SYNPO2: variants seen among roughly 807,000 people sequenced by gnomAD.
The protein encoded by SYNPO2 is synaptopodin 2.
Under a neutral mutation model 85.0 loss-of-function variants are expected in SYNPO2, and 56 were observed. The observed-to-expected ratio is 0.66, with a 90% CI of 0.53 to 0.82. SYNPO2 has a LOEUF of 0.82. Among genes scored for constraint, SYNPO2 ranks in the 40% least tolerant of loss-of-function variants. The pLI is 0.00. For missense variants in SYNPO2, 1,575 were observed against 1,534.2 expected (o/e 1.03, Z -0.44); for synonymous variants, 602 against 591.1 (o/e 1.02, Z -0.27).
intron 1 of SYNPO2, among the ~76,000 whole-genome samples, chr4:118,968,978 G>A (rs561997705): frequency 5.9e-5 from 9 of 152,256 alleles, no homozygotes; most frequent in Admixed American, 1.3e-4. Context: ...AAAACAGAAC[G>A]AGAAAATCCA....
intron 4 of SYNPO2, among the ~76,000 whole-genome samples, chr4:119,052,429 G>T (rs1258927363): frequency 6.6e-6 from 1 of 152,190 alleles, no homozygotes; most frequent in Non-Finnish European, 1.5e-5. Context: ...CCCCAGTGAT[G>T]GGAATCTTTC....
At chr4:118,878,138 A>T (rs933431512) in intron 1 of SYNPO2, among the ~76,000 whole-genome samples, 1 of 152,212 alleles carries the variant, frequency 6.6e-6, no homozygotes, top group African/African-American at 2.4e-5. Context: ...TCTCGTTTAT[A>T]AGTGGGAGCT....
At chr4:118,886,010 A>G (rs1732192928), upstream of SYNPO2, among the ~76,000 whole-genome samples, 1 of 152,190 alleles carries the variant, frequency 6.6e-6, no homozygotes. Flanking sequence ...AAATAAATAC[A>G]ACATTATATT....
chr4:118,938,510 A>C (rs1734191802), intron 1 of SYNPO2, among the ~76,000 whole-genome samples: 1 of 152,216 alleles, frequency 6.6e-6, no homozygotes, highest in African/African-American at 2.4e-5. Context: ...ATGCTTACAT[A>C]TTGTAGGCAA....
intron 1 of SYNPO2, among the ~76,000 whole-genome samples, chr4:118,881,146 CA>C (rs1259909978): frequency 6.6e-6 from 1 of 151,704 alleles, no homozygotes; most frequent in East Asian, 1.9e-4. Flanking sequence ...ACTAAAAATA[CA>C]AAAAATTAGC....
rs376359189 is a variant in SYNPO2, at chr4:119,051,186, A to ATGTTTTTTTTT, written c.3253-6214_3253-6213insGTTTTTTTTTT. On this transcript the variant is annotated intron_variant, in intron 4 of 4. Coordinates refer to ENST00000307142, the MANE Select transcript of SYNPO2 (RefSeq NM_133477.3). Reference sequence around the variant, plus strand: ...CACTGGGGTAAAGCCATGGGAAGCAATTTTTTTTTTTTTTTTTTTTTGAGA... The same window carrying ATGTTTTTTTTT: ...CACTGGGGTAAAGCCATGGGAAGCAATGTTTTTTTTTTTTTTTTTTTTTTTTTTTTTTGAGA... 3.6e-4 allele frequency among the ~76,000 whole-genome samples: 36 copies of ATGTTTTTTTTT among 100,694 alleles called. 6 individuals carry two copies. Among genetic ancestry groups the ATGTTTTTTTTT allele is most frequent in the South Asian group, 7.2e-4 (2 of 2,770 alleles). The allele number at this position is 100,694 out of a possible 152,430, so 66.1% of individuals were successfully genotyped here.
At position 118,888,882 on chromosome 4, in the gene SYNPO2, G is replaced by GGCGGCTGGGGCA. The variant is rs756991876; in HGVS notation, c.-147_-136dup. On this transcript the variant is annotated 5_prime_UTR_variant, in exon 1 of 5. Transcript: ENST00000307142. ...CAAATTCGCAGCAGGCGGCTGGGGCGGCGGCTGGGGCAGCGGCTGCAGCAG... is the reference window on the plus strand; with the variant it reads ...CAAATTCGCAGCAGGCGGCTGGGGCGGCGGCTGGGGCAGCGGCTGGGGCAGCGGCTGCAGCAG... 13,193 of 735,534 alleles carry GGCGGCTGGGGCA rather than the reference G, an allele frequency of 0.018. 182 individuals carry two copies. Among genetic ancestry groups the GGCGGCTGGGGCA allele is most frequent in the Non-Finnish European group, 0.021 (9,044 of 438,066 alleles). The allele number at this position is 735,534 out of a possible 1,614,324, so 45.6% of individuals were successfully genotyped here. A position where few individuals can be genotyped will look rare whatever the true frequency, so the allele number is the denominator to read the frequency against.
intron 1 of SYNPO2, among the ~76,000 whole-genome samples, chr4:118,861,047 T>C (rs1394869287): frequency 6.6e-6 from 1 of 152,234 alleles, no homozygotes; most frequent in African/African-American, 2.4e-5. Context: ...ATGATCTCAT[T>C]TGTCTATTTT....
chr4:118,900,693 C>CTA (rs1451002170), intron 1 of SYNPO2, among the ~76,000 whole-genome samples: 8 of 49,950 alleles, frequency 1.6e-4, no homozygotes, highest in South Asian at 8.2e-4. Context: ...CTCTCTCTCT[C>CTA]TCTCTCTCTC....
At chr4:119,049,374 A>T (rs1738967521) in intron 4 of SYNPO2, among the ~76,000 whole-genome samples, 1 of 152,176 alleles carries the variant, frequency 6.6e-6, no homozygotes, top group African/African-American at 2.4e-5. Flanking sequence ...ATGATCATTT[A>T]CTGATCATGT....
Position 118,918,358 on chromosome 4 carries a change from A to G in SYNPO2, c.105+29217A>G, listed in dbSNP as rs1733424616. ...TGAAAAACATTAAACAAACCTACAGATGTGTTTGGCTAAGTGGTTCATCCA... is the reference window on the plus strand; with the variant it reads ...TGAAAAACATTAAACAAACCTACAGGTGTGTTTGGCTAAGTGGTTCATCCA... On this transcript the variant is annotated intron_variant, in intron 1 of 4. Transcript: ENST00000307142. Among the ~76,000 whole-genome samples, 5 of 152,148 alleles carry G rather than the reference A, an allele frequency of 3.3e-5. 1 individual carries two copies. In the South Asian group the frequency reaches 1.0e-3, roughly 32 times the overall value.
intron 1 of SYNPO2, among the ~76,000 whole-genome samples, chr4:119,022,616 G>A (rs1029514347): frequency 7.1e-5 from 10 of 140,586 alleles, no homozygotes; most frequent in Non-Finnish European, 1.5e-4. Context: ...TCAGCTTCCC[G>A]AAGTGCTGGG....
chr4:119,036,597 C>A, intron 4 of SYNPO2: 3 of 985,430 alleles, frequency 3.0e-6, no homozygotes, highest in Non-Finnish European at 3.6e-6. Flanking sequence ...TACTGTCATC[C>A]CTCTATGGTT....
chr4:118,872,118 T>C (rs6534109), intron 1 of SYNPO2, among the ~76,000 whole-genome samples: 127,196 of 152,218 alleles, frequency 0.84, 53,288 homozygotes, highest in Middle Eastern at 0.88. Flanking sequence ...ACTTATTAGG[T>C]ATTTTTTTTC....
chr4:119,033,086 G>A (rs1304964505), intron 4 of SYNPO2: 1 of 985,192 alleles, frequency 1.0e-6, no homozygotes, highest in African/African-American at 1.7e-5. Flanking sequence ...AGGTGTACAT[G>A]GCTATTGTTT....
intron 1 of SYNPO2, among the ~76,000 whole-genome samples, chr4:118,873,789 T>G (rs542539958): frequency 1.3e-5 from 2 of 152,230 alleles, no homozygotes; most frequent in South Asian, 4.2e-4. Flanking sequence ...TTCAGAAGAG[T>G]TTTTTTCTAG....
At chr4:118,879,386 A>C (rs1348757819) in intron 1 of SYNPO2, among the ~76,000 whole-genome samples, 1 of 152,124 alleles carries the variant, frequency 6.6e-6, no homozygotes, top group African/African-American at 2.4e-5. Context: ...CTAAATCCCC[A>C]GTGTATATTT....
chr4:119,051,186 A>ATGCTTTTT (rs376359189), intron 4 of SYNPO2, among the ~76,000 whole-genome samples: 9 of 100,720 alleles, frequency 8.9e-5, no homozygotes, highest in Admixed American at 1.3e-4. Context: ...ATGGGAAGCA[A>ATGCTTTTT]TTTTTTTTTT....
intron 4 of SYNPO2, among the ~76,000 whole-genome samples, chr4:119,055,402 G>T (rs916799233): frequency 9.9e-5 from 15 of 152,160 alleles, no homozygotes; most frequent in African/African-American, 3.6e-4. Context: ...TGATCCATCT[G>T]CCTCAGCCTC....
Sources: allele counts gnomAD v4.1 joint callset (sites outside exome capture counted in the v4.1 genomes callset), GRCh38; gene constraint gnomAD v4.1.1; transcripts MANE v1.5; gene names NCBI Gene and HGNC (gene_info 2026-07-23, HGNC 2026-07-21).